The following TNRC6B variants were observed in gnomAD, a reference collection of about 807,000 sequenced individuals.
TNRC6B encodes the protein trinucleotide repeat containing adaptor 6B.
A neutral mutation model predicts 203.6 loss-of-function variants in TNRC6B; 52 were observed. The observed-to-expected ratio is 0.26, with a 90% CI of 0.20 to 0.32. TNRC6B has a LOEUF of 0.32. TNRC6B is among the 10% of genes least tolerant of loss of function. TNRC6B has a pLI of 1.00. For missense variants in TNRC6B, 1,923 were observed against 2,286.2 expected (o/e 0.84, Z 3.24); for synonymous variants, 838 against 845.7 (o/e 0.99, Z 0.16).
At chr22:40,125,640 C>A in intron 2 of TNRC6B, 1 of 593,174 alleles carries the variant, frequency 1.7e-6, no homozygotes. Flanking sequence ...GACACACACA[C>A]ACACACAAAG....
chr22:40,181,455 A>T (rs982503275), intron 1 of TNRC6B, among the ~76,000 whole-genome samples: 5 of 152,234 alleles, frequency 3.3e-5, no homozygotes, highest in African/African-American at 1.2e-4. Flanking sequence ...TCTGCAGTTT[A>T]AGCTGGACAC....
At chr22:40,118,700 G>A (rs905600899) in intron 2 of TNRC6B, among the ~76,000 whole-genome samples, 3 of 152,190 alleles carry the variant, frequency 2.0e-5, no homozygotes, top group South Asian at 2.1e-4. Flanking sequence ...AAGATATAGC[G>A]TCTGGTATCA....
rs1479697433 is a variant in TNRC6B at position 40,109,619 on chromosome 22, A to T, written c.-120-7436A>T. ...ATAGTTATAATTTTTAGTATGGCAA[A>T]TATTGATAATTAAAATTAAGATAAA... On this transcript the variant is annotated intron_variant, in intron 1 of 23. Coordinates refer to the TNRC6B transcript ENST00000301923. 2.0e-5 allele frequency among the ~76,000 whole-genome samples: 3 copies of T among 152,206 alleles called. No homozygotes were observed. The East Asian group carries it at 5.8e-4, about 29-fold the overall frequency.
chr22:40,252,376 T>G (rs993638725), intron 3 of TNRC6B, among the ~76,000 whole-genome samples: 9 of 152,152 alleles, frequency 5.9e-5, no homozygotes, highest in Non-Finnish European at 1.0e-4. Context: ...AGGACAGGGG[T>G]GACAGGGAGG....
At chr22:40,155,761 A>C (rs868258524) in intron 3 of TNRC6B, among the ~76,000 whole-genome samples, 3 of 152,302 alleles carry the variant, frequency 2.0e-5, no homozygotes, top group Middle Eastern at 3.4e-3. Flanking sequence ...CATAAGATTG[A>C]ACATCTTTTC....
intron 15 of TNRC6B, among the ~76,000 whole-genome samples, chr22:40,303,806 G>A (rs906499728): frequency 8.5e-5 from 13 of 152,314 alleles, no homozygotes; most frequent in South Asian, 8.3e-4. Flanking sequence ...AGTTACTGGA[G>A]TGGCTGAAGC....
At chr22:40,167,704 C>CAAAA (rs58022219) in intron 4 of TNRC6B, among the ~76,000 whole-genome samples, 3 of 58,982 alleles carry the variant, frequency 5.1e-5, no homozygotes, top group African/African-American at 6.8e-5. Flanking sequence ...CCATCGCTAC[C>CAAAA]AAAAAAAAAA....
chr22:40,256,128 A>G (rs780492486), intron 3 of TNRC6B, among the ~76,000 whole-genome samples: 7 of 152,162 alleles, frequency 4.6e-5, no homozygotes, highest in Non-Finnish European at 1.0e-4. Flanking sequence ...GTGGGGGAAC[A>G]TTGAGAAGTC....
intron 3 of TNRC6B, among the ~76,000 whole-genome samples, chr22:40,129,217 TTGCAAGACC>T (rs994949618): frequency 3.9e-5 from 6 of 152,312 alleles, no homozygotes; most frequent in African/African-American, 1.4e-4. Context: ...GACAGAGACC[TTGCAAGACC>T]TCAGAGGCCA....
At chr22:40,073,113 C>G (rs886129523) in intron 1 of TNRC6B, among the ~76,000 whole-genome samples, 3 of 151,416 alleles carry the variant, frequency 2.0e-5, no homozygotes, top group Non-Finnish European at 4.4e-5. Flanking sequence ...CCCTACTGCC[C>G]CACACCCTAC....
In TNRC6B at chr22:40,087,878, T is replaced by A. The variant is rs1442920761; in HGVS notation, c.-120-29177T>A. Among the ~76,000 whole-genome samples, 6 of 152,258 alleles carry A rather than the reference T, an allele frequency of 3.9e-5. No individual in the cohort carries two copies. In the East Asian group the frequency reaches 1.2e-3, roughly 29 times the overall value. On this transcript the variant is annotated intron_variant, in intron 1 of 23. Coordinates refer to the TNRC6B transcript ENST00000301923. ...TTGGCCTCCATCTCCGTTACAGATG[T>A]ACAGCGTTTGGTGACCCAGACTAGA...
At chr22:40,314,133 G>C (rs972001119) in intron 19 of TNRC6B, among the ~76,000 whole-genome samples, 5 of 152,122 alleles carry the variant, frequency 3.3e-5, no homozygotes, top group Non-Finnish European at 5.9e-5. Flanking sequence ...ATTCATCTGA[G>C]AGATGGCCCA....
In TNRC6B at chr22:40,266,573, G is replaced by A. The variant is rs779151422; in HGVS notation, c.2343G>A (p.Gly781=). The A allele has an allele frequency of 5.6e-6, 9 of 1,613,584 alleles. No homozygotes were observed. Among genetic ancestry groups the A allele is most frequent in the Admixed American group, 1.7e-5 (1 of 59,958 alleles). The change falls in exon 5 of 23, where the codon GGG becomes GGA. Residue 781 remains glycine, a synonymous_variant. Coordinates refer to ENST00000454349, the MANE Select transcript of TNRC6B (RefSeq NM_001162501.2). The stretch of plus-strand genomic sequence containing the variant: ...GTGAAGGAGGGCAGAATGAAATCGG[G>A]ACTTGGGGTAATGGTGGCAATGCAA... ...GWGEGGQNEI[G]TWGNGGNASL...
chr22:40,164,938 C>T (rs1056723383), intron 4 of TNRC6B, among the ~76,000 whole-genome samples: 4 of 151,230 alleles, frequency 2.6e-5, no homozygotes, highest in East Asian at 4.0e-4. Context: ...CCCACCACCA[C>T]GCCTGGCTAA....
At chr22:40,209,336 C>A (rs2069527924) in intron 1 of TNRC6B, among the ~76,000 whole-genome samples, 1 of 152,162 alleles carries the variant, frequency 6.6e-6, no homozygotes, top group African/African-American at 2.4e-5. Context: ...TTTATTTCTT[C>A]CTAGCCTGTC....
rs570750732 is a variant in TNRC6B at position 40,324,739 on chromosome 22, G to A, written c.*1498G>A. The A allele has an allele frequency of 6.6e-6, 1 of 152,642 alleles. No individual in the cohort carries two copies. Among genetic ancestry groups the A allele is most frequent in the South Asian group, 2.1e-4 (1 of 4,830 alleles). 9.5% of individuals were successfully genotyped at this position (152,642 alleles called of 1,614,324 possible). On this transcript the variant is annotated 3_prime_UTR_variant, in exon 23 of 23. Coordinates refer to ENST00000454349, the MANE Select transcript of TNRC6B (RefSeq NM_001162501.2). ...TTTCTCTGTGTTGTGTATTTCCTGT[G>A]TATGTGGTTTTGCTTAGGCAGGTAT...
In TNRC6B at chr22:40,228,813, C is replaced by T. The variant is rs530014656; in HGVS notation, c.6-17202C>T. Among the ~76,000 whole-genome samples, 16 of 152,140 alleles carry T rather than the reference C, an allele frequency of 1.1e-4. No individual in the cohort carries two copies. In the East Asian group the frequency reaches 1.9e-3, roughly 18 times the overall value. The stretch of plus-strand genomic sequence containing the variant: ...TGCTGGGATTACAGACATGAGCCAC[C>T]GCGCCCAGCCCCAGGAGGCTGTTTC... On this transcript the variant is annotated intron_variant, in intron 1 of 22. Transcript: ENST00000454349.
chr22:40,099,802 G>A (rs2146303690), intron 1 of TNRC6B, among the ~76,000 whole-genome samples: 1 of 152,210 alleles, frequency 6.6e-6, no homozygotes, highest in South Asian at 2.1e-4. Context: ...CCAGGCTGGA[G>A]TGCAGTGGTG....
chr22:40,149,021 C>A (rs1480968316), intron 3 of TNRC6B, among the ~76,000 whole-genome samples: 1 of 152,090 alleles, frequency 6.6e-6, no homozygotes, highest in Non-Finnish European at 1.5e-5. Flanking sequence ...TTACAGCAGC[C>A]CTAGCAAACT....
Sources: allele counts gnomAD v4.1 joint callset (sites outside exome capture counted in the v4.1 genomes callset), GRCh38; gene constraint gnomAD v4.1.1; transcripts MANE v1.5; gene names NCBI Gene and HGNC (gene_info 2026-07-23, HGNC 2026-07-21).